Variants in CIT observed in about 807,000 individuals in gnomAD.
CIT encodes the protein citron Rho-interacting kinase.
In CIT, 79 loss-of-function variants were observed where a neutral mutation model predicts 272.7. The ratio of observed to expected loss-of-function variants is 0.29; its 90% CI spans 0.24 to 0.35. The LOEUF (loss-of-function observed/expected upper bound fraction) is 0.35, where lower values mean the gene tolerates loss of function less well. CIT is among the 10% of genes least tolerant of loss of function. The pLI is 1.00. For synonymous variants in CIT, 948 were observed against 995.6 expected (o/e 0.95, Z 0.90); for missense variants, 1,909 against 2,618.3 (o/e 0.73, Z 5.91).
intron 44 of CIT, among the ~76,000 whole-genome samples, chr12:119,699,011 T>G (rs189247927): frequency 6.6e-6 from 1 of 152,212 alleles, no homozygotes; most frequent in African/African-American, 2.4e-5. Flanking sequence ...TCCCAGCACT[T>G]TGGGAGGCCG....
chr12:119,711,231 A>T, intron 37 of CIT: 1 of 564,650 alleles, frequency 1.8e-6, no homozygotes, highest in Non-Finnish European at 3.0e-6. Flanking sequence ...TTGCTAACAC[A>T]TAAAGTGTTT....
chr12:119,769,258 A>G (rs931972664), intron 18 of CIT, among the ~76,000 whole-genome samples: 3 of 152,160 alleles, frequency 2.0e-5, no homozygotes, highest in Non-Finnish European at 4.4e-5. Context: ...CTACTCCTCC[A>G]TTTTAATTGT....
rs910895246 is a variant in CIT at position 119,718,587 on chromosome 12, C to G, written c.4003+112G>C. 1.4e-6 allele frequency: 2 copies of G among 1,458,264 alleles called. No individual in the cohort carries two copies. Among genetic ancestry groups the G allele is most frequent in the Non-Finnish European group, 1.9e-6 (2 of 1,062,552 alleles). 90.3% of individuals were successfully genotyped at this position (1,458,264 alleles called of 1,614,324 possible). A position where few individuals can be genotyped will look rare whatever the true frequency, so the allele number is the denominator to read the frequency against. ...AGACATGGGATGTCTGGTCTGAAAG[C>G]GTATGGGCCATAAACGAAGACACTG... On this transcript the variant is annotated intron_variant, in intron 31 of 47. Coordinates refer to ENST00000392521, the MANE Select transcript of CIT (RefSeq NM_001206999.2). This position sits in a 1 kb window ranked among gnomAD's most constrained non-coding sequence, Gnocchi z 4.8.
intron 8 of CIT, among the ~76,000 whole-genome samples, chr12:119,824,561 G>A (rs536996155): frequency 3.6e-4 from 55 of 152,234 alleles, no homozygotes; most frequent in African/African-American, 1.2e-3. Context: ...CTGAGATTCC[G>A]TGAAATACAA....
intron 28 of CIT, among the ~76,000 whole-genome samples, chr12:119,722,538 A>C (rs1368887804): frequency 6.6e-6 from 1 of 152,138 alleles, no homozygotes; most frequent in East Asian, 1.9e-4. Context: ...CTTCCTCTTA[A>C]CATGTAGCTG....
chr12:119,752,264 GA>G lies in CIT; in HGVS notation c.2707-18del. The G allele has an allele frequency of 6.3e-7, 1 of 1,583,462 alleles. No individual in the cohort carries two copies. Among genetic ancestry groups the G allele is most frequent in the Non-Finnish European group, 8.6e-7 (1 of 1,165,932 alleles). ...TAGACTGACCTGAGACAGAGAGAGA[GA>G]GAGAAAGAGAGATAAACCCTTGCTT... is the stretch of plus-strand genomic sequence containing the variant. On this transcript the variant is annotated intron_variant, in intron 22 of 47. Transcript: ENST00000392521.
chr12:119,794,271 T>C (rs774790798), intron 10 of CIT, among the ~76,000 whole-genome samples: 3 of 123,860 alleles, frequency 2.4e-5, no homozygotes, highest in Non-Finnish European at 4.7e-5. Context: ...ATTTGTTGAG[T>C]GAATGAATGA....
In CIT at chr12:119,688,215, GT is replaced by G; in HGVS notation, c.*16del. On this transcript the variant is annotated 3_prime_UTR_variant, in exon 48 of 48. Transcript: ENST00000392521. Reference sequence around the variant, plus strand: ...TCCTGCAGATCAAGATGAGGAGTTGGTTTTTCTGGCTGAGATTTATACTGAA... The same window carrying G: ...TCCTGCAGATCAAGATGAGGAGTTGGTTTTCTGGCTGAGATTTATACTGAA... 6.2e-7 allele frequency: 1 copy of G among 1,612,714 alleles called. No individual in the cohort carries two copies. The highest frequency in any genetic ancestry group is 8.5e-7 in the Non-Finnish European group (1 of 1,178,620).
At position 119,697,147 on chromosome 12, in the gene CIT, C is replaced by A. The variant is rs1384758010; in HGVS notation, c.5882+512G>T. Reference sequence around the variant, plus strand: ...TCCTGCCTGAGCACCCCTCACTGGTCTCCCTGCCCCCACCTCGTATCTGAT... The same window carrying A: ...TCCTGCCTGAGCACCCCTCACTGGTATCCCTGCCCCCACCTCGTATCTGAT... On this transcript the variant is annotated intron_variant, in intron 46 of 47. Coordinates refer to ENST00000392521, the MANE Select transcript of CIT (RefSeq NM_001206999.2). The surrounding 1 kb of genome is among the most constrained non-coding windows in gnomAD (Gnocchi z 4.9). Among the ~76,000 whole-genome samples the A allele has an allele frequency of 6.6e-6, 1 of 152,132 alleles. No individual in the cohort carries two copies. The highest frequency in any genetic ancestry group is 1.5e-5 in the Non-Finnish European group (1 of 68,034).
intron 23 of CIT, among the ~76,000 whole-genome samples, chr12:119,744,315 T>G (rs1959176697): frequency 6.6e-6 from 1 of 151,920 alleles, no homozygotes; most frequent in South Asian, 2.1e-4. Flanking sequence ...AAAGTGGATA[T>G]GGTCCCATCT....
chr12:119,838,639 T>A (rs1239847926), intron 5 of CIT, among the ~76,000 whole-genome samples: 2 of 152,322 alleles, frequency 1.3e-5, no homozygotes, highest in East Asian at 3.9e-4. Context: ...AAAGTTTCCA[T>A]AGCAGCAATG....
At chr12:119,763,856 G>A (rs933771616) in intron 19 of CIT, among the ~76,000 whole-genome samples, 3 of 152,240 alleles carry the variant, frequency 2.0e-5, no homozygotes, top group East Asian at 1.9e-4. Flanking sequence ...TTGATAGAGC[G>A]GCAGCCATTT....
At chr12:119,834,561 C>T (rs774293957) in intron 5 of CIT, among the ~76,000 whole-genome samples, 6 of 152,170 alleles carry the variant, frequency 3.9e-5, no homozygotes, top group East Asian at 1.9e-4. Context: ...ACAGTGTAGA[C>T]GGATATTCCT....
chr12:119,725,702 A>G (rs536120725), intron 28 of CIT, among the ~76,000 whole-genome samples: 24 of 152,344 alleles, frequency 1.6e-4, no homozygotes, highest in Non-Finnish European at 3.1e-4. Flanking sequence ...AGAAGTGAGA[A>G]GGAGGGAACT....
chr12:119,715,249 A>T (rs938905323), intron 32 of CIT, among the ~76,000 whole-genome samples: 12 of 152,174 alleles, frequency 7.9e-5, no homozygotes, highest in African/African-American at 2.7e-4. Flanking sequence ...TAAATTACCC[A>T]GTCTTGGGCA....
At position 119,712,615 on chromosome 12, in the gene CIT, C is replaced by G. The variant is rs781056753; in HGVS notation, c.4660G>C (p.Glu1554Gln). The change falls in exon 36 of 48, where the codon GAA (glutamate) becomes CAA (glutamine). Residue 1554 changes from glutamate (E) to glutamine (Q), a missense_variant. Physicochemically the swap from Glu to Gln is conservative, Grantham distance 29 (BLOSUM62 2). Coordinates refer to ENST00000392521, the MANE Select transcript of CIT (RefSeq NM_001206999.2). This position sits in a 1 kb window ranked among gnomAD's most constrained non-coding sequence, Gnocchi z 5.2. ...VSIHGAVGAS[E>Q]LANTAKADVP... The stretch of plus-strand genomic sequence containing the variant: ...CCTGCTTTGGCTGTATTTGCGAGTT[C>G]GGAAGCACCAACGGCACCATGAATA... The G allele has an allele frequency of 6.2e-6, 10 of 1,614,046 alleles. No homozygotes were observed. The highest frequency in any genetic ancestry group is 8.5e-6 in the Non-Finnish European group (10 of 1,180,040).
intron 19 of CIT, 59 bp downstream of exon 19, chr12:119,767,028 G>A: frequency 7.9e-7 from 1 of 1,260,320 alleles, no homozygotes; most frequent in Non-Finnish European, 1.1e-6. Context: ...CCCAGGAAGA[G>A]ATGGGAGCTA....
At chr12:119,871,807 A>G (rs1950687417) in intron 2 of CIT, among the ~76,000 whole-genome samples, 1 of 152,244 alleles carries the variant, frequency 6.6e-6, no homozygotes, top group African/African-American at 2.4e-5. Context: ...CAGTGAGCCA[A>G]GATTGTGCTG....
intron 40 of CIT, among the ~76,000 whole-genome samples, chr12:119,707,795 C>T (rs781347664): frequency 2.0e-5 from 3 of 152,204 alleles, no homozygotes; most frequent in East Asian, 1.9e-4. Flanking sequence ...CCACCGCGCC[C>T]GGCCAGGCCA....
Sources: gnomAD v4.1 joint callset for allele counts (sites outside exome capture counted in the v4.1 genomes callset) on GRCh38, gnomAD v4.1.1 for gene constraint, Gnocchi (gnomAD v3.1) non-coding constraint, MANE v1.5 for transcripts, NCBI Gene and HGNC (gene_info 2026-07-23, HGNC 2026-07-21) for gene names.